MAP3K5: variants seen among roughly 807,000 people sequenced by gnomAD.
The protein encoded by MAP3K5 is ASK-1.
Under a neutral mutation model 158.7 loss-of-function variants are expected in MAP3K5, and 56 were observed. That is an observed-to-expected ratio of 0.35 (90% confidence interval 0.28 to 0.44). The LOEUF (loss-of-function observed/expected upper bound fraction) is 0.44. MAP3K5 is among the 20% of genes least tolerant of loss of function. MAP3K5 has a pLI of 1.00. For synonymous variants in MAP3K5, 579 were observed against 601.7 expected (o/e 0.96, Z 0.55); for missense variants, 1,294 against 1,674.8 (o/e 0.77, Z 3.97).
intron 1 of MAP3K5, among the ~76,000 whole-genome samples, chr6:136,721,293 A>G (rs547698089): frequency 6.6e-6 from 1 of 152,272 alleles, no homozygotes; most frequent in South Asian, 2.1e-4. Flanking sequence ...TAAAAAATAA[A>G]TAGGTAAGCT....
chr6:136,682,715 C>G (rs560579670), intron 7 of MAP3K5, among the ~76,000 whole-genome samples: 1 of 152,268 alleles, frequency 6.6e-6, no homozygotes, highest in South Asian at 2.1e-4. Context: ...GTACAAGCAC[C>G]TAATTTCCTT....
chr6:136,680,632 C>T (rs1001763281), intron 7 of MAP3K5, among the ~76,000 whole-genome samples: 1 of 152,186 alleles, frequency 6.6e-6, no homozygotes, highest in African/African-American at 2.4e-5. Flanking sequence ...TTCACATTCT[C>T]AAGAGCAGTG....
rs1008339318 is a variant in MAP3K5, at chr6:136,641,185, T to C, written c.1838+1335A>G. On this transcript the variant is annotated intron_variant, in intron 12 of 29. Coordinates refer to ENST00000359015, the MANE Select transcript of MAP3K5 (RefSeq NM_005923.4). ...GAGAAAGTATCGACTGAAAGATATA[T>C]AATGAGTCAGTCCATCATCTTGCTT... is the stretch of plus-strand genomic sequence containing the variant. Among the ~76,000 whole-genome samples the C allele has an allele frequency of 5.8e-4, 89 of 152,222 alleles. 2 individuals are homozygous for C. Among genetic ancestry groups the C allele is most frequent in the African/African-American group, 2.1e-3 (87 of 41,456 alleles).
At chr6:136,568,139 T>C (rs1034619030) in intron 25 of MAP3K5, among the ~76,000 whole-genome samples, 1 of 152,166 alleles carries the variant, frequency 6.6e-6, no homozygotes, top group African/African-American at 2.4e-5. Context: ...GATCAATACA[T>C]AGTCACATTG....
intron 21 of MAP3K5, among the ~76,000 whole-genome samples, chr6:136,599,527 G>C (rs920301173): frequency 6.6e-6 from 1 of 152,086 alleles, no homozygotes; most frequent in African/African-American, 2.4e-5. Flanking sequence ...CTTGCCAAGT[G>C]TGTATGGTTG....
intron 7 of MAP3K5, among the ~76,000 whole-genome samples, chr6:136,680,456 G>C (rs1779885254): frequency 6.6e-6 from 1 of 151,950 alleles, no homozygotes; most frequent in African/African-American, 2.4e-5. Context: ...CCAATTTTTT[G>C]TTACCATAAA....
chr6:136,789,971 C>T (rs999012041), intron 1 of MAP3K5, among the ~76,000 whole-genome samples: 5 of 152,052 alleles, frequency 3.3e-5, no homozygotes, highest in African/African-American at 7.2e-5. Context: ...GGATTACAGG[C>T]GTGAGCCACC....
At chr6:136,694,609 T>C (rs549099970) in intron 6 of MAP3K5, among the ~76,000 whole-genome samples, 73 of 152,318 alleles carry the variant, frequency 4.8e-4, no homozygotes, top group African/African-American at 1.7e-3. Flanking sequence ...ATATGCAGGT[T>C]CAAGTTGGTG....
intron 8 of MAP3K5, among the ~76,000 whole-genome samples, chr6:136,663,179 T>C (rs972937428): frequency 4.0e-5 from 6 of 148,902 alleles, no homozygotes; most frequent in Non-Finnish European, 7.5e-5. Flanking sequence ...CCAGAGAGGA[T>C]TGCAACATGT....
rs1785115298 is a variant in MAP3K5, at chr6:136,792,265, C to A, written c.-108G>T. The A allele has an allele frequency of 8.4e-7, 1 of 1,184,508 alleles. No homozygotes were observed. The highest frequency in any genetic ancestry group is 1.0e-6 in the Non-Finnish European group (1 of 961,772). 73.4% of individuals were successfully genotyped at this position (1,184,508 alleles called of 1,614,324 possible). A position where few individuals can be genotyped will look rare whatever the true frequency, so the allele number is the denominator to read the frequency against. On this transcript the variant is annotated 5_prime_UTR_variant, in exon 1 of 30. Transcript: ENST00000359015. This position sits in a 1 kb window ranked among gnomAD's most constrained non-coding sequence, Gnocchi z 5.7. ...GCCCGCCGGGCTAAGCAGCTGCCAT[C>A]GCGCGCCGCGCCCTCGCCGCCGCGC...
Position 136,558,846 on chromosome 6 carries a change from C to T in MAP3K5, c.4018G>A (p.Val1340Ile), listed in dbSNP as rs890732310. 81 of 1,602,828 alleles carry T rather than the reference C, an allele frequency of 5.1e-5. No homozygotes were observed. In the Admixed American group the frequency reaches 1.3e-3, roughly 25 times the overall value. Residue 1340 changes from valine to isoleucine, a missense_variant, in exon 29 of 30, where the codon GTT becomes ATT. This residue lies in a region of MAP3K5 where 199 missense variants were observed against 220.3 expected (regional missense o/e 0.90). Coordinates refer to ENST00000359015, the MANE Select transcript of MAP3K5 (RefSeq NM_005923.4). ...TCATCACGTGTAACATAGTAGAGAACATCCAATAGTGTATAATCTTCAGCC... is the reference window on the plus strand; with the variant it reads ...TCATCACGTGTAACATAGTAGAGAATATCCAATAGTGTATAATCTTCAGCC... ...FLAEDYTLLD[V>I]LYYVTRDDLK... is the part of the protein sequence containing the mutation.
intron 24 of MAP3K5, among the ~76,000 whole-genome samples, chr6:136,580,792 A>C (rs995203683): frequency 1.3e-5 from 2 of 152,070 alleles, no homozygotes; most frequent in Non-Finnish European, 2.9e-5. Context: ...CATTATTTTC[A>C]ATTACTTCTT....
chr6:136,680,867 T>C (rs950126524), intron 7 of MAP3K5, among the ~76,000 whole-genome samples: 3 of 152,112 alleles, frequency 2.0e-5, no homozygotes, highest in African/African-American at 7.2e-5. Flanking sequence ...AGAGATACCC[T>C]TGGAAGAGCT....
intron 1 of MAP3K5, among the ~76,000 whole-genome samples, chr6:136,741,809 A>G (rs1582622490): frequency 1.3e-5 from 2 of 152,328 alleles, no homozygotes; most frequent in East Asian, 3.9e-4. Flanking sequence ...TCAGGATTCA[A>G]GATTAATATG....
chr6:136,593,355 C>T (rs886087002), intron 21 of MAP3K5, among the ~76,000 whole-genome samples: 1 of 152,168 alleles, frequency 6.6e-6, no homozygotes, highest in African/African-American at 2.4e-5. Context: ...TCATAGGTTG[C>T]TCTGGGTGTC....
At chr6:136,655,679 A>G (rs1040077812) in intron 10 of MAP3K5, among the ~76,000 whole-genome samples, 2 of 151,226 alleles carry the variant, frequency 1.3e-5, no homozygotes, top group African/African-American at 4.9e-5. Context: ...GCATGGCACC[A>G]TCTGAGAAGA....
chr6:136,575,297 G>A (rs557920045), intron 25 of MAP3K5, among the ~76,000 whole-genome samples: 156 of 151,558 alleles, frequency 1.0e-3, no homozygotes, highest in Non-Finnish European at 1.6e-3. Flanking sequence ...TAGTAGCCAG[G>A]ACCACAGGCA....
chr6:136,626,866 GATCAGAAAT>G (rs2129098514), intron 14 of MAP3K5, among the ~76,000 whole-genome samples: 1 of 152,102 alleles, frequency 6.6e-6, no homozygotes. Context: ...ATTTACAAAT[GATCAGAAAT>G]TTTTTTTTCC....
At position 136,613,882 on chromosome 6, in the gene MAP3K5, C is replaced by T. The variant is rs887593325; in HGVS notation, c.2278+277G>A. Among the ~76,000 whole-genome samples, 1 of 152,198 alleles carries T rather than the reference C, an allele frequency of 6.6e-6. No individual in the cohort carries two copies. The highest frequency in any genetic ancestry group is 2.4e-5 in the African/African-American group (1 of 41,444). ...GCTTATATAAGTGAAACATGAACTT[C>T]CTCACTTTGGAACACTGGCCCATTC... is the stretch of plus-strand genomic sequence containing the variant. On this transcript the variant is annotated intron_variant, in intron 16 of 29. Transcript: ENST00000359015. This position sits in a 1 kb window ranked among gnomAD's most constrained non-coding sequence, Gnocchi z 4.0.
Sources: allele counts gnomAD v4.1 joint callset (sites outside exome capture counted in the v4.1 genomes callset), GRCh38; gene constraint gnomAD v4.1.1; regional missense constraint gnomAD v4.1.1; non-coding constraint Gnocchi (gnomAD v3.1); transcripts MANE v1.5; gene names NCBI Gene and HGNC (gene_info 2026-07-23, HGNC 2026-07-21).